The following SULT2B1 variants were observed in gnomAD, a reference collection of about 807,000 sequenced individuals.
SULT2B1 encodes the protein sulfotransferase family 2B member 1.
In SULT2B1, 16 loss-of-function variants were observed where a neutral mutation model predicts 33.2. The ratio of observed to expected loss-of-function variants is 0.48; its 90% CI spans 0.33 to 0.73. The LOEUF (loss-of-function observed/expected upper bound fraction) is 0.73, where lower values mean the gene tolerates loss of function less well. Among genes scored for constraint, SULT2B1 ranks in the 30% least tolerant of loss-of-function variants. The probability of loss-of-function intolerance (pLI) is 0.02; values close to 1 mark genes in which losing one functional copy is unlikely to be tolerated. For synonymous variants in SULT2B1, 186 were observed against 200.5 expected, an observed-to-expected ratio of 0.93 and a Z score of 0.61; for missense variants, 500 against 506.0, an observed-to-expected ratio of 0.99 and a Z score of 0.11.
At chr19:48,591,588 C>T (rs1306876239) in intron 3 of SULT2B1, 21 bp from the exon 4 acceptor site, 1 of 1,604,234 alleles carries the variant, frequency 6.2e-7, no homozygotes, top group Non-Finnish European at 8.5e-7. Flanking sequence ...CTTCTCCCCT[C>T]TCCTCACCAT....
chr19:48,569,362 ACATATATATATAT>A (rs1252727479), intron 1 of SULT2B1, among the ~76,000 whole-genome samples: 4 of 130,092 alleles, frequency 3.1e-5, no homozygotes, highest in Admixed American at 1.8e-4. Context: ...AAAAAAAAAA[ACATATATATATAT>A]ATATATATAT....
intron 6 of SULT2B1, among the ~76,000 whole-genome samples, chr19:48,597,333 T>C (rs1280927113): frequency 7.8e-6 from 1 of 128,670 alleles, no homozygotes; most frequent in Non-Finnish European, 1.6e-5. Context: ...AAAACACGTT[T>C]ACTCTTTTTT....
intron 5 of SULT2B1, chr19:48,596,055 G>A (rs78980897): frequency 2.0e-5 from 3 of 153,254 alleles, no homozygotes; most frequent in African/African-American, 4.8e-5. Flanking sequence ...GGGTCAGCTG[G>A]GGTGTGGGGG....
intron 1 of SULT2B1, among the ~76,000 whole-genome samples, chr19:48,559,215 C>T (rs1335757695): frequency 1.3e-5 from 2 of 152,044 alleles, no homozygotes; most frequent in Non-Finnish European, 2.9e-5. Context: ...GAGTGAGGGA[C>T]AGGATGCGTT....
chr19:48,573,180 A>G (rs1034264162), intron 1 of SULT2B1, among the ~76,000 whole-genome samples: 5 of 149,304 alleles, frequency 3.3e-5, no homozygotes, highest in Admixed American at 6.7e-5. Context: ...AAAAATTTAC[A>G]TGTCCAGGGG....
rs903388854 is a variant in SULT2B1 at position 48,555,382 on chromosome 19, G to A, written c.71+3059G>A. 5.3e-5 allele frequency among the ~76,000 whole-genome samples: 8 copies of A among 152,126 alleles called. No individual in the cohort carries two copies. In the South Asian group the frequency reaches 8.3e-4, roughly 16 times the overall value. On this transcript the variant is annotated intron_variant, in intron 1 of 6. Transcript: ENST00000201586. Reference sequence around the variant, plus strand: ...GCAGGGCTTACAGGCGTGAGCCACCGTGCCCGGCCTATCTACTCTATTACT... The same window carrying A: ...GCAGGGCTTACAGGCGTGAGCCACCATGCCCGGCCTATCTACTCTATTACT...
rs1240724891 is a variant in SULT2B1 at position 48,594,563 on chromosome 19, G to A, written c.645+1747G>A. Among the ~76,000 whole-genome samples, 5 of 152,334 alleles carry A rather than the reference G, an allele frequency of 3.3e-5. No individual in the cohort carries two copies. In the Middle Eastern group the frequency reaches 0.01, roughly 311 times the overall value. On this transcript the variant is annotated intron_variant, in intron 5 of 6. Coordinates refer to ENST00000201586, the MANE Select transcript of SULT2B1 (RefSeq NM_177973.2). ...GCCTAACAGCTTCTGGGCTGCCCCT[G>A]GGTGTGAGGCGCCGCCCACATGTTA...
chr19:48,569,360 A>C (rs1269702763), intron 1 of SULT2B1, among the ~76,000 whole-genome samples: 2 of 14,894 alleles, frequency 1.3e-4, no homozygotes, highest in African/African-American at 6.4e-4. Context: ...AAAAAAAAAA[A>C]AACATATATA....
intron 5 of SULT2B1, among the ~76,000 whole-genome samples, chr19:48,593,796 G>A (rs1228535820): frequency 1.1e-4 from 17 of 149,362 alleles, no homozygotes; most frequent in Admixed American, 4.7e-4. Flanking sequence ...CACCACGCCC[G>A]GCTAATTTTG....
chr19:48,573,535 G>T (rs1207696126), intron 1 of SULT2B1, among the ~76,000 whole-genome samples: 2 of 152,124 alleles, frequency 1.3e-5, no homozygotes, highest in Non-Finnish European at 2.9e-5. Flanking sequence ...GGACAGGGGG[G>T]TCCTGGCTCT....
intron 2 of SULT2B1, among the ~76,000 whole-genome samples, chr19:48,584,641 A>G (rs1601105703): frequency 6.6e-6 from 1 of 152,228 alleles, no homozygotes; most frequent in Non-Finnish European, 1.5e-5. Flanking sequence ...GTGGTGGCTT[A>G]CGCCTGTAAT....
At chr19:48,554,147 G>T (rs1231761994) in intron 1 of SULT2B1, among the ~76,000 whole-genome samples, 11 of 151,548 alleles carry the variant, frequency 7.3e-5, no homozygotes, top group African/African-American at 2.7e-4. Context: ...GCAGAGCCCT[G>T]GGGGGGTGCC....
chr19:48,561,686 G>T (rs548340494), intron 1 of SULT2B1, among the ~76,000 whole-genome samples: 7 of 152,104 alleles, frequency 4.6e-5, no homozygotes, highest in African/African-American at 1.7e-4. Flanking sequence ...AGTGGGACTC[G>T]GATGGGCAGG....
At position 48,599,038 on chromosome 19, in the gene SULT2B1, A is replaced by T. The variant is rs1973761142; in HGVS notation, c.827-97A>T. 6.7e-7 allele frequency: 1 copy of T among 1,492,012 alleles called. No individual in the cohort carries two copies. Among genetic ancestry groups the T allele is most frequent in the African/African-American group, 1.4e-5 (1 of 71,634 alleles). The allele number at this position is 1,492,012 out of a possible 1,614,324, so 92.4% of individuals were successfully genotyped here. On this transcript the variant is annotated intron_variant, in intron 6 of 6. Coordinates refer to ENST00000201586, the MANE Select transcript of SULT2B1 (RefSeq NM_177973.2). This position sits in a 1 kb window ranked among gnomAD's most constrained non-coding sequence, Gnocchi z 4.1. ...TTTCTGGCAAAGGGAACACCTCGCC[A>T]AAGGCCGGGAAGGGGAAGGAGGTTG...
rs558527315 is a variant in SULT2B1 at position 48,562,604 on chromosome 19, TTTATTA to T, written c.71+10290_71+10295del. On this transcript the variant is annotated intron_variant, in intron 1 of 6. Coordinates refer to ENST00000201586, the MANE Select transcript of SULT2B1 (RefSeq NM_177973.2). ...AATCATATGCATGTTTATATGGATT[TTTATTA>T]TTATTATTTTATTTATAGATCATAG... is the stretch of plus-strand genomic sequence containing the variant. Among the ~76,000 whole-genome samples, 15 of 152,178 alleles carry T rather than the reference TTTATTA, an allele frequency of 9.9e-5. No individual in the cohort carries two copies. The South Asian group carries it at 2.3e-3, about 23-fold the overall frequency.
chr19:48,569,781 C>T (rs1243606087), intron 1 of SULT2B1, among the ~76,000 whole-genome samples: 4 of 151,920 alleles, frequency 2.6e-5, no homozygotes, highest in Non-Finnish European at 2.9e-5. Flanking sequence ...ATTCTCCTGC[C>T]TCAGGCTCCT....
chr19:48,568,368 G>A (rs1470885219), intron 1 of SULT2B1, among the ~76,000 whole-genome samples: 3 of 152,110 alleles, frequency 2.0e-5, no homozygotes, highest in African/African-American at 7.2e-5. Flanking sequence ...GCACGGGGTG[G>A]GAGGTCTCTT....
chr19:48,559,959 TA>T (rs769845924), intron 1 of SULT2B1, among the ~76,000 whole-genome samples: 1,038 of 133,340 alleles, frequency 7.8e-3, no homozygotes, highest in African/African-American at 0.01. Flanking sequence ...CATCTCTCTT[TA>T]AAAAAAAAAA....
At chr19:48,564,995 T>C (rs1195361712) in intron 1 of SULT2B1, among the ~76,000 whole-genome samples, 1 of 152,040 alleles carries the variant, frequency 6.6e-6, no homozygotes, top group Non-Finnish European at 1.5e-5. Context: ...TTCACTATAT[T>C]GGTCAGGCTG....
Sources: gnomAD v4.1 joint callset for allele counts (sites outside exome capture counted in the v4.1 genomes callset) on GRCh38, gnomAD v4.1.1 for gene constraint, Gnocchi (gnomAD v3.1) non-coding constraint, MANE v1.5 for transcripts, NCBI Gene and HGNC (gene_info 2026-07-23, HGNC 2026-07-21) for gene names.